ENGASE: variants seen among roughly 807,000 people sequenced by gnomAD.
ENGASE encodes the protein cytosolic endo-beta-N-acetylglucosaminidase.
Under a neutral mutation model 78.5 loss-of-function variants are expected in ENGASE, and 69 were observed. That is an observed-to-expected ratio of 0.88 (90% CI 0.72 to 1.07). The LOEUF (loss-of-function observed/expected upper bound fraction) is 1.07, where lower values mean the gene tolerates loss of function less well. Among genes scored for constraint, ENGASE ranks in the 50% least tolerant of loss-of-function variants. The probability of loss-of-function intolerance (pLI) is 0.00; values close to 1 mark genes in which losing one functional copy is unlikely to be tolerated. For synonymous variants in ENGASE, 408 were observed against 408.9 expected (o/e 1.00, Z 0.03); for missense variants, 943 against 988.4 (o/e 0.95, Z 0.62).
chr17:79,082,523 C>G, intron 7 of ENGASE: 1 of 1,204,860 alleles, frequency 8.3e-7, no homozygotes, highest in Non-Finnish European at 1.0e-6. Flanking sequence ...CAAGGCAGGT[C>G]ACACCAGCAC....
At chr17:79,082,414 G>A (rs1002691182) in intron 7 of ENGASE, 8 of 1,231,490 alleles carry the variant, frequency 6.5e-6, no homozygotes, top group Non-Finnish European at 7.2e-6. Context: ...GGACGCACAG[G>A]GGCCTGCAGC....
rs973845720 is a variant in ENGASE, at chr17:79,085,877, G to A, written c.1816-56G>A. On this transcript the variant is annotated intron_variant, in intron 13 of 13. Transcript: ENST00000579016. Reference sequence around the variant, plus strand: ...CAGGGAGGGGAAATGTGTGCGTGGGGGCACCCTCTCCCCGCCCCCGGGCGT... The same window carrying A: ...CAGGGAGGGGAAATGTGTGCGTGGGAGCACCCTCTCCCCGCCCCCGGGCGT... 1.9e-6 allele frequency: 3 copies of A among 1,574,642 alleles called. No homozygotes were observed. The African/African-American group carries it at 4.0e-5, about 21-fold the overall frequency.
chr17:79,084,685 C>G lies in ENGASE; in HGVS notation c.1590C>G (p.Asn530Lys). The change falls in exon 11 of 14, where the codon AAC becomes AAG. Residue 530 changes from asparagine (N) to lysine (K), a missense_variant and splice_region_variant. Asn to Lys is a moderately conservative substitution (Grantham distance 94). Coordinates refer to ENST00000579016, the MANE Select transcript of ENGASE (RefSeq NM_001042573.3). ...ACATCGGTGGCATCTCAGTGTTGAA[C>G]GGTGAGGTAATGGGGCCCAGGCCTG... ...SCHIGGISVL[N>K]AETSSRHSLR... 2 of 1,612,858 alleles carry G rather than the reference C, an allele frequency of 1.2e-6. No homozygotes were observed. The highest frequency in any genetic ancestry group is 1.1e-5 in the South Asian group (1 of 90,940).
intron 1 of ENGASE, among the ~76,000 whole-genome samples, chr17:79,076,188 C>T (rs1392851815): frequency 6.6e-6 from 1 of 152,156 alleles, no homozygotes; most frequent in Non-Finnish European, 1.5e-5. Flanking sequence ...TGGCCTTGGG[C>T]GTTGGTAGAT....
intron 7 of ENGASE, chr17:79,082,304 A>G: frequency 7.0e-7 from 1 of 1,427,862 alleles, no homozygotes. Flanking sequence ...GGGTGTTACC[A>G]GACAGAGGCG....
chr17:79,086,384 G>A lies in ENGASE; in HGVS notation c.*35G>A, dbSNP rs771779768. The A allele has an allele frequency of 3.2e-6, 5 of 1,582,878 alleles. No homozygotes were observed. The Admixed American group carries it at 5.1e-5, about 16-fold the overall frequency. Reference sequence around the variant, plus strand: ...AAGGCCGGGTGGTCTCCTGGCCTCGGGCTGAGGCCTCTTCCCGGCTGTCTG... The same window carrying A: ...AAGGCCGGGTGGTCTCCTGGCCTCGAGCTGAGGCCTCTTCCCGGCTGTCTG... On this transcript the variant is annotated 3_prime_UTR_variant, in exon 14 of 14. Coordinates refer to ENST00000579016, the MANE Select transcript of ENGASE (RefSeq NM_001042573.3).
intron 4 of ENGASE, among the ~76,000 whole-genome samples, 170 bp from the exon 5 acceptor site, chr17:79,080,037 G>T (rs2073086055): frequency 6.6e-6 from 1 of 152,282 alleles, no homozygotes; most frequent in African/African-American, 2.4e-5. Context: ...CACCAGGACT[G>T]CTGGTCTGCA....
rs570571997 is a variant in ENGASE, at chr17:79,085,810, C to T, written c.1815+76C>T. 52 of 1,599,858 alleles carry T rather than the reference C, an allele frequency of 3.3e-5. No homozygotes were observed. In the African/African-American group the frequency reaches 3.5e-4, roughly 11 times the overall value. On this transcript the variant is annotated intron_variant, in intron 13 of 13. Coordinates refer to ENST00000579016, the MANE Select transcript of ENGASE (RefSeq NM_001042573.3). ...AGTGGGGGTGGAGGCCGCCCCAGGCCGCCCCCTTCTTGGGTTCAGCGGGGA... is the reference window on the plus strand; with the variant it reads ...AGTGGGGGTGGAGGCCGCCCCAGGCTGCCCCCTTCTTGGGTTCAGCGGGGA...
intron 13 of ENGASE, 30 bp from the exon 14 acceptor site, chr17:79,085,903 C>T (rs1186908901): frequency 6.3e-7 from 1 of 1,579,408 alleles, no homozygotes; most frequent in South Asian, 1.1e-5. Flanking sequence ...CCCCGGGCGT[C>T]CAGCCGTGCT....
Position 79,077,513 on chromosome 17 carries a change from C to T in ENGASE, c.214+16C>T, listed in dbSNP as rs755114879. On this transcript the variant is annotated intron_variant, in intron 2 of 13. Transcript: ENST00000579016. ...CCCCTGCCAGGTGAGGAGACAGAGG[C>T]TCTGAATACCGATCCACCTTCACAC... The T allele has an allele frequency of 2.6e-6, 4 of 1,548,284 alleles. No individual in the cohort carries two copies. Among genetic ancestry groups the T allele is most frequent in the Admixed American group, 2.1e-5 (1 of 48,574 alleles).
rs562365525 is a variant in ENGASE, at chr17:79,079,630, C to T, written c.558C>T (p.Cys186=). 8.7e-6 allele frequency: 14 copies of T among 1,612,736 alleles called. No individual in the cohort carries two copies. Among genetic ancestry groups the T allele is most frequent in the African/African-American group, 4.0e-5 (3 of 74,768 alleles). ...WTNTAHRHGV[C]VLGTFITEWN... ...ACACTGCCCACAGGCATGGGGTCTG[C>T]GTGCTGGGTAAGAGCCAAGGACTCA... The change falls in exon 4 of 14, where the codon TGC becomes TGT. Residue 186 remains cysteine (C), a synonymous_variant. Coordinates refer to ENST00000579016, the MANE Select transcript of ENGASE (RefSeq NM_001042573.3).
Position 79,085,291 on chromosome 17 carries a change from C to T in ENGASE, c.1649C>T (p.Ala550Val). ...RPLRVPPTKL[A>V]RWVGRCGRQL... ...CTCCGGGTGCCCCCCACCAAGCTGG[C>T]CAGATGGGTGGGCCGCTGCGGCCGG... Residue 550 changes from alanine (A) to valine (V), a missense_variant, in exon 12 of 14, where the codon GCC becomes GTC. Ala to Val is a moderately conservative substitution (Grantham distance 64). Coordinates refer to ENST00000579016, the MANE Select transcript of ENGASE (RefSeq NM_001042573.3). 6.2e-7 allele frequency: 1 copy of T among 1,613,280 alleles called. No individual in the cohort carries two copies. The highest frequency in any genetic ancestry group is 8.5e-7 in the Non-Finnish European group (1 of 1,179,896).
At chr17:79,084,006 GGCC>G in intron 10 of ENGASE, 55 bp downstream of exon 10, 4 of 1,522,812 alleles carry the variant, frequency 2.6e-6, no homozygotes, top group Non-Finnish European at 3.6e-6. Context: ...CACACGTGGT[GGCC>G]ATGGAACTGG....
chr17:79,086,638 A>C lies in ENGASE; in HGVS notation c.*289A>C. 1 of 525,854 alleles carries C rather than the reference A, an allele frequency of 1.9e-6. No homozygotes were observed. The highest frequency in any genetic ancestry group is 2.3e-5 in the South Asian group (1 of 44,212). The allele number at this position is 525,854 out of a possible 1,614,324, so 32.6% of individuals were successfully genotyped here. ...TACCTGGTTCCCAGGTGAAAATGAA[A>C]GGAGGGGAGAAGTTGAGAACAGAAC... On this transcript the variant is annotated 3_prime_UTR_variant, in exon 14 of 14. Coordinates refer to ENST00000579016, the MANE Select transcript of ENGASE (RefSeq NM_001042573.3).
rs769039233 is a variant in ENGASE, at chr17:79,084,589, G to A, written c.1494G>A (p.Val498=). 3 of 1,610,090 alleles carry A rather than the reference G, an allele frequency of 1.9e-6. No homozygotes were observed. The highest frequency in any genetic ancestry group is 2.5e-6 in the Non-Finnish European group (3 of 1,178,708). Residue 498 remains valine, a synonymous_variant, in exon 11 of 14, where the codon GTG becomes GTA. Transcript: ENST00000579016. ...PVPPKIYLSM[V]YKLEGPTDVT... Reference sequence around the variant, plus strand: ...CACCCAAGATTTACCTGTCCATGGTGTATAAGCTTGAGGGGCCCACGGACG... The same window carrying A: ...CACCCAAGATTTACCTGTCCATGGTATATAAGCTTGAGGGGCCCACGGACG...
chr17:79,086,616 C>G lies in ENGASE; in HGVS notation c.*267C>G. The G allele has an allele frequency of 1.8e-6, 1 of 555,564 alleles. No individual in the cohort carries two copies. The highest frequency in any genetic ancestry group is 2.2e-5 in the South Asian group (1 of 44,968). The allele number at this position is 555,564 out of a possible 1,614,324, so 34.4% of individuals were successfully genotyped here. ...TCTGCCTTGTCCCTCCCCACGGTAC[C>G]TGGTTCCCAGGTGAAAATGAAAGGA... On this transcript the variant is annotated 3_prime_UTR_variant, in exon 14 of 14. Transcript: ENST00000579016.
In ENGASE at chr17:79,074,987, C is replaced by T. The variant is rs1478544821; in HGVS notation, c.43C>T (p.Arg15Trp). The part of the protein sequence containing the change: ...AVTVTRSATR[R>W]RRRQLQGLAA... ...GACGGTCACCCGGTCGGCTACACGG[C>T]GGCGGCGGCGGCAGCTGCAGGGGCT... The change falls in exon 1 of 14, where the codon CGG becomes TGG. Residue 15 changes from arginine (R) to tryptophan (W), a missense_variant. Arg to Trp is a moderately radical substitution (Grantham distance 101). Coordinates refer to ENST00000579016, the MANE Select transcript of ENGASE (RefSeq NM_001042573.3). 1 of 1,228,928 alleles carries T rather than the reference C, an allele frequency of 8.1e-7. No homozygotes were observed. The highest frequency in any genetic ancestry group is 1.0e-6 in the Non-Finnish European group (1 of 984,872). The allele number at this position is 1,228,928 out of a possible 1,614,324, so 76.1% of individuals were successfully genotyped here.
intron 7 of ENGASE, 182 bp downstream of exon 7, chr17:79,082,245 G>A: frequency 3.9e-6 from 6 of 1,539,770 alleles, no homozygotes; most frequent in Non-Finnish European, 5.2e-6. Flanking sequence ...TGTCCCCACT[G>A]AAACCCCTTT....
chr17:79,075,195 GC>G (rs2072939025), intron 1 of ENGASE, 105 bp downstream of exon 1: 2 of 1,158,154 alleles, frequency 1.7e-6, no homozygotes, highest in African/African-American at 3.2e-5. Flanking sequence ...CGGGGGGCCG[GC>G]GCCTGTGTCC....
Sources: gnomAD v4.1 joint callset for allele counts (sites outside exome capture counted in the v4.1 genomes callset) on GRCh38, gnomAD v4.1.1 for gene constraint, MANE v1.5 for transcripts, NCBI Gene and HGNC (gene_info 2026-07-23, HGNC 2026-07-21) for gene names.